The following TBC1D22A variants were observed in gnomAD, a reference collection of about 807,000 sequenced individuals.
TBC1D22A encodes the protein TBC1 domain family member 22A, also known as putative GTPase activator.
In TBC1D22A, 38 loss-of-function variants were observed where a neutral mutation model predicts 60.2. The ratio of observed to expected loss-of-function variants is 0.63; its 90% confidence interval spans 0.49 to 0.83. The LOEUF (loss-of-function observed/expected upper bound fraction) is 0.83, where lower values mean the gene tolerates loss of function less well. TBC1D22A is among the 40% of genes least tolerant of loss of function. TBC1D22A has a pLI of 0.00. For missense variants in TBC1D22A, 628 were observed against 701.0 expected (o/e 0.90, Z 1.18); for synonymous variants, 302 against 281.7 (o/e 1.07, Z -0.72).
chr22:47,065,275 G>A (rs1451236354), intron 11 of TBC1D22A, among the ~76,000 whole-genome samples: 1 of 152,242 alleles, frequency 6.6e-6, no homozygotes, highest in Admixed American at 6.5e-5. Context: ...GGATGCAAGC[G>A]TGAGCCACCA....
intron 12 of TBC1D22A, among the ~76,000 whole-genome samples, chr22:47,145,690 AGTTT>A (rs746920116): frequency 1.8e-4 from 27 of 152,146 alleles, no homozygotes; most frequent in Non-Finnish European, 3.7e-4. Context: ...TAAATTTCAT[AGTTT>A]GTTCTGATTT....
rs746108792 is a variant in TBC1D22A, at chr22:46,974,225, C to G, written c.1016-65C>G. ...GCTCAGCTCTGTTCCTCCGTGGGCCCCCTCGTGGGTCGAGGTCCCGTGTGG... is the reference window on the plus strand; with the variant it reads ...GCTCAGCTCTGTTCCTCCGTGGGCCGCCTCGTGGGTCGAGGTCCCGTGTGG... On this transcript the variant is annotated intron_variant, in intron 8 of 12. Coordinates refer to ENST00000337137, the MANE Select transcript of TBC1D22A (RefSeq NM_014346.5). The G allele has an allele frequency of 2.6e-5, 36 of 1,375,536 alleles. No homozygotes were observed. In the Middle Eastern group the frequency reaches 2.5e-3, roughly 95 times the overall value. The allele number at this position is 1,375,536 out of a possible 1,614,324, so 85.2% of individuals were successfully genotyped here.
At chr22:46,853,592 G>T (rs533827497) in intron 4 of TBC1D22A, among the ~76,000 whole-genome samples, 3 of 152,318 alleles carry the variant, frequency 2.0e-5, no homozygotes, top group African/African-American at 4.8e-5. Flanking sequence ...TTAAAGTGCT[G>T]TTTCCCTTAA....
At chr22:46,813,376 A>G (rs556536442) in intron 4 of TBC1D22A, among the ~76,000 whole-genome samples, 4 of 152,320 alleles carry the variant, frequency 2.6e-5, no homozygotes, top group East Asian at 3.9e-4. Context: ...TTTAATTTAC[A>G]GTTATTTTCA....
chr22:46,861,600 G>T (rs1436602666), intron 4 of TBC1D22A, among the ~76,000 whole-genome samples: 4 of 152,254 alleles, frequency 2.6e-5, no homozygotes, highest in Admixed American at 2.0e-4. Flanking sequence ...TCTCACTGGG[G>T]TGGCCACCTG....
intron 4 of TBC1D22A, among the ~76,000 whole-genome samples, chr22:46,845,451 T>C (rs1004087849): frequency 1.3e-5 from 2 of 152,224 alleles, no homozygotes; most frequent in Non-Finnish European, 2.9e-5. Flanking sequence ...ACCGTAGTAA[T>C]ATTAAGCCTT....
At chr22:47,099,934 G>C (rs189166557) in intron 11 of TBC1D22A, among the ~76,000 whole-genome samples, 2 of 152,178 alleles carry the variant, frequency 1.3e-5, no homozygotes, top group African/African-American at 4.8e-5. Context: ...TGTTTGACAC[G>C]GGCCCCAAAC....
chr22:47,011,737 G>A (rs1234843340), intron 10 of TBC1D22A, among the ~76,000 whole-genome samples: 6 of 152,112 alleles, frequency 3.9e-5, no homozygotes, highest in African/African-American at 7.2e-5. Context: ...TTTTCTTTGG[G>A]TTTTCTTCTT....
At chr22:46,983,332 G>A (rs1286916890) in intron 9 of TBC1D22A, among the ~76,000 whole-genome samples, 2 of 152,238 alleles carry the variant, frequency 1.3e-5, no homozygotes, top group African/African-American at 4.8e-5. Flanking sequence ...AAGCGTCATG[G>A]GGACTAATCC....
intron 8 of TBC1D22A, among the ~76,000 whole-genome samples, chr22:46,949,417 G>A (rs561008102): frequency 7.2e-5 from 11 of 152,252 alleles, no homozygotes; most frequent in East Asian, 5.8e-4. Context: ...GCCTGACCCC[G>A]TCCCCCATGT....
intron 12 of TBC1D22A, among the ~76,000 whole-genome samples, chr22:47,146,173 G>A (rs2067279530): frequency 6.6e-6 from 1 of 152,164 alleles, no homozygotes; most frequent in African/African-American, 2.4e-5. Context: ...TGGGGGCCGC[G>A]GCGCGGGGAC....
At chr22:46,823,548 C>T (rs897477011) in intron 4 of TBC1D22A, among the ~76,000 whole-genome samples, 1 of 152,154 alleles carries the variant, frequency 6.6e-6, no homozygotes, top group Non-Finnish European at 1.5e-5. Context: ...GTGTTTGTGC[C>T]GTTGTCCATG....
At chr22:47,089,991 C>T (rs890931368) in intron 11 of TBC1D22A, among the ~76,000 whole-genome samples, 4 of 152,240 alleles carry the variant, frequency 2.6e-5, no homozygotes, top group East Asian at 1.9e-4. Flanking sequence ...GTGAACAGTC[C>T]GGAACTTTGG....
In TBC1D22A at chr22:47,025,324, A is replaced by G. The variant is rs927108889; in HGVS notation, c.1202-11747A>G. Among the ~76,000 whole-genome samples the G allele has an allele frequency of 9.2e-5, 14 of 152,390 alleles. No homozygotes were observed. In the South Asian group the frequency reaches 1.9e-3, roughly 20 times the overall value. ...TAATTTTGCACATGGAACATTTACCAAGATAGACCATATTTTGGGCCATTA... is the reference window on the plus strand; with the variant it reads ...TAATTTTGCACATGGAACATTTACCGAGATAGACCATATTTTGGGCCATTA... On this transcript the variant is annotated intron_variant, in intron 10 of 12. Coordinates refer to ENST00000337137, the MANE Select transcript of TBC1D22A (RefSeq NM_014346.5).
At chr22:46,820,148 C>G (rs1367184326) in intron 4 of TBC1D22A, among the ~76,000 whole-genome samples, 1 of 151,856 alleles carries the variant, frequency 6.6e-6, no homozygotes, top group East Asian at 1.9e-4. Flanking sequence ...ATTAGTCCAG[C>G]TAGCCATCTA....
At chr22:47,142,215 C>G (rs2067112012) in intron 12 of TBC1D22A, among the ~76,000 whole-genome samples, 1 of 150,292 alleles carries the variant, frequency 6.7e-6, no homozygotes, top group South Asian at 2.1e-4. Flanking sequence ...TCCATTCACC[C>G]ACCCACCCAT....
rs371067162 is a variant in TBC1D22A at position 47,003,474 on chromosome 22, C to T, written c.1201+5765C>T. On this transcript the variant is annotated intron_variant, in intron 10 of 12. Coordinates refer to ENST00000337137, the MANE Select transcript of TBC1D22A (RefSeq NM_014346.5). Reference sequence around the variant, plus strand: ...CCCTACGCACACATGCCTGTACACACGCACCCTACGCACACATGCCTGTAC... The same window carrying T: ...CCCTACGCACACATGCCTGTACACATGCACCCTACGCACACATGCCTGTAC... 2.7e-3 allele frequency among the ~76,000 whole-genome samples: 400 copies of T among 147,998 alleles called. 1 individual carries two copies. The highest frequency in any genetic ancestry group is 9.0e-3 in the African/African-American group (361 of 39,948).
chr22:47,066,707 G>C (rs945581042), intron 11 of TBC1D22A, among the ~76,000 whole-genome samples: 2 of 152,228 alleles, frequency 1.3e-5, no homozygotes, highest in African/African-American at 4.8e-5. Context: ...CAGGCAGCCA[G>C]CCTCTTTGAA....
chr22:47,040,754 A>G (rs1442670629), intron 11 of TBC1D22A, among the ~76,000 whole-genome samples: 2 of 152,158 alleles, frequency 1.3e-5, no homozygotes, highest in Non-Finnish European at 2.9e-5. Context: ...ATGAAAAAGA[A>G]CAACAGGTTC....
Sources: allele counts gnomAD v4.1 joint callset (sites outside exome capture counted in the v4.1 genomes callset), GRCh38; gene constraint gnomAD v4.1.1; transcripts MANE v1.5; gene names NCBI Gene and HGNC (gene_info 2026-07-23, HGNC 2026-07-21).